Variants in KITLG observed in about 807,000 individuals in gnomAD.
KITLG encodes the protein KIT ligand.
Under a neutral mutation model 34.1 loss-of-function variants are expected in KITLG, and 13 were observed. That is an observed-to-expected ratio of 0.38 (90% CI 0.25 to 0.61). The LOEUF is 0.61. Ranked by LOEUF, KITLG falls within the 20% of genes least tolerant of loss-of-function variation. KITLG has a pLI of 0.60. For missense variants in KITLG, 292 were observed against 318.9 expected (o/e 0.92, Z 0.64); for synonymous variants, 110 against 104.0 (o/e 1.06, Z -0.35).
At chr12:88,576,694 A>G (rs1321163314) in intron 1 of KITLG, among the ~76,000 whole-genome samples, 2 of 152,202 alleles carry the variant, frequency 1.3e-5, no homozygotes, top group African/African-American at 4.8e-5. Context: ...GCTAGAACCT[A>G]GAATCCTTCT....
intron 3 of KITLG, among the ~76,000 whole-genome samples, chr12:88,528,537 T>G (rs775467193): frequency 1.3e-5 from 2 of 152,112 alleles, no homozygotes; most frequent in African/African-American, 4.8e-5. Flanking sequence ...TAAATTGAAA[T>G]GCAGACCTAG....
At chr12:88,529,018 A>G (rs772870474) in intron 3 of KITLG, among the ~76,000 whole-genome samples, 7 of 152,168 alleles carry the variant, frequency 4.6e-5, no homozygotes, top group Non-Finnish European at 8.8e-5. Flanking sequence ...TTCCTAACAC[A>G]AAGAAATTGT....
At position 88,508,859 on chromosome 12, in the gene KITLG, G is replaced by A. The variant is rs574959576; in HGVS notation, c.605-1722C>T. 2.0e-5 allele frequency among the ~76,000 whole-genome samples: 3 copies of A among 152,182 alleles called. No homozygotes were observed. The South Asian group carries it at 6.2e-4, about 32-fold the overall frequency. On this transcript the variant is annotated intron_variant, in intron 6 of 9. Transcript: ENST00000644744. The stretch of plus-strand genomic sequence containing the variant: ...CATTACAATAACAGAGCTATTTTAA[G>A]GATTATGTAAGATTACGTGGACTCG...
At position 88,518,859 on chromosome 12, in the gene KITLG, A is replaced by G. The variant is rs779104921; in HGVS notation, c.201T>C (p.His67=). 1.2e-6 allele frequency: 2 copies of G among 1,613,376 alleles called. No individual in the cohort carries two copies. The highest frequency in any genetic ancestry group is 1.7e-5 in the Admixed American group (1 of 59,958). Residue 67 remains histidine, a synonymous_variant, in exon 4 of 10, where the codon CAT becomes CAC. Coordinates refer to ENST00000644744, the MANE Select transcript of KITLG (RefSeq NM_000899.5). The part of the protein sequence containing the change: ...YVPGMDVLPS[H]CWISEMVVQL... ...GTACTACCATCTCGCTTATCCAACA[A>G]TGACTTGGCTGCAAGATATGAAAAA...
intron 6 of KITLG, among the ~76,000 whole-genome samples, chr12:88,509,068 T>C (rs1869178819): frequency 6.6e-6 from 1 of 152,188 alleles, no homozygotes; most frequent in Non-Finnish European, 1.5e-5. Context: ...TGCTGGTATG[T>C]AATTACAATA....
At chr12:88,528,798 TA>T (rs754030538) in intron 3 of KITLG, among the ~76,000 whole-genome samples, 23 of 152,232 alleles carry the variant, frequency 1.5e-4, no homozygotes, top group Non-Finnish European at 2.8e-4. Context: ...GAATCTGGAT[TA>T]AACGGCACAT....
chr12:88,527,034 A>G (rs1245926133), intron 3 of KITLG, among the ~76,000 whole-genome samples: 4 of 151,938 alleles, frequency 2.6e-5, no homozygotes, highest in African/African-American at 9.7e-5. Flanking sequence ...ACGCCCAGCT[A>G]ATTTTCTGTA....
chr12:88,521,543 T>G (rs1281197713), intron 3 of KITLG, among the ~76,000 whole-genome samples: 1 of 152,172 alleles, frequency 6.6e-6, no homozygotes, highest in Non-Finnish European at 1.5e-5. Flanking sequence ...TTAAATAGTT[T>G]TATATAAATA....
intron 3 of KITLG, among the ~76,000 whole-genome samples, chr12:88,522,418 T>C (rs1241789644): frequency 1.4e-5 from 2 of 138,296 alleles, no homozygotes; most frequent in Admixed American, 8.5e-5. Flanking sequence ...TGGTATTAGA[T>C]GCACAGTCTT....
intron 8 of KITLG, among the ~76,000 whole-genome samples, chr12:88,505,456 T>C (rs1467766878): frequency 6.6e-6 from 1 of 152,236 alleles, no homozygotes; most frequent in Non-Finnish European, 1.5e-5. Flanking sequence ...TTTCTCTGTA[T>C]ATGCATATAC....
intron 3 of KITLG, among the ~76,000 whole-genome samples, chr12:88,526,350 G>A (rs1048429250): frequency 6.6e-6 from 1 of 152,142 alleles, no homozygotes; most frequent in Non-Finnish European, 1.5e-5. Context: ...ACGTTGCAGT[G>A]CAGATACTGT....
chr12:88,577,241 T>G (rs1871858302), intron 1 of KITLG, among the ~76,000 whole-genome samples: 2 of 152,200 alleles, frequency 1.3e-5, no homozygotes, highest in African/African-American at 4.8e-5. Context: ...AAGAGATATT[T>G]TCTTTGGAGT....
intron 1 of KITLG, among the ~76,000 whole-genome samples, chr12:88,573,096 G>A (rs1281497742): frequency 6.6e-6 from 1 of 152,130 alleles, no homozygotes; most frequent in Non-Finnish European, 1.5e-5. Flanking sequence ...TGACTGCTGA[G>A]GTCTGTGTTG....
intron 3 of KITLG, 115 bp from the exon 4 acceptor site, chr12:88,518,982 C>T (rs1283805652): frequency 2.2e-6 from 2 of 900,860 alleles, no homozygotes; most frequent in Non-Finnish European, 3.5e-6. Flanking sequence ...CCTGCCTCAG[C>T]CTCTCGAGTA....
chr12:88,505,136 A>G (rs764868438), intron 9 of KITLG, 23 bp downstream of exon 9: 1 of 1,270,032 alleles, frequency 7.9e-7, no homozygotes, highest in East Asian at 2.3e-5. Flanking sequence ...AAGAAAAAAA[A>G]AGGAAAGAAG....
At chr12:88,568,759 T>C (rs1286584407) in intron 1 of KITLG, among the ~76,000 whole-genome samples, 2 of 152,048 alleles carry the variant, frequency 1.3e-5, no homozygotes, top group African/African-American at 4.8e-5. Context: ...ATTTGAGTGA[T>C]TGTGAATCGT....
chr12:88,545,612 A>G (rs2120911961), intron 2 of KITLG, 140 bp downstream of exon 2: 2 of 614,538 alleles, frequency 3.3e-6, no homozygotes, highest in East Asian at 5.5e-5. Context: ...TAAACCCTTT[A>G]TTGTAACCCA....
intron 2 of KITLG, among the ~76,000 whole-genome samples, chr12:88,544,069 C>T (rs1439134044): frequency 1.3e-5 from 2 of 152,102 alleles, no homozygotes; most frequent in Non-Finnish European, 2.9e-5. Flanking sequence ...GTGCTTACTA[C>T]CATCCTACTT....
chr12:88,565,487 TG>T (rs1871413525), intron 1 of KITLG, among the ~76,000 whole-genome samples: 1 of 151,534 alleles, frequency 6.6e-6, no homozygotes, highest in Admixed American at 6.6e-5. Context: ...TAGCCGGGAG[TG>T]GTGGCACGTG....
Sources: allele counts gnomAD v4.1 joint callset (sites outside exome capture counted in the v4.1 genomes callset), GRCh38; gene constraint gnomAD v4.1.1; transcripts MANE v1.5; gene names NCBI Gene and HGNC (gene_info 2026-07-23, HGNC 2026-07-21).